CAND2: variants seen among roughly 807,000 people sequenced by gnomAD.
The protein encoded by CAND2 is cullin-associated NEDD8-dissociated protein 2.
Under a neutral mutation model 98.9 loss-of-function variants are expected in CAND2, and 62 were observed. The ratio of observed to expected loss-of-function variants is 0.63; its 90% CI spans 0.51 to 0.77. CAND2 has a LOEUF of 0.77. Among genes scored for constraint, CAND2 ranks in the 30% least tolerant of loss-of-function variants. CAND2 has a pLI of 0.00. For missense variants in CAND2, 1,501 were observed against 1,655.2 expected (o/e 0.91, Z 1.62); for synonymous variants, 770 against 731.9 (o/e 1.05, Z -0.84).
chr3:12,818,050 T>C (rs2061924210), intron 10 of CAND2, among the ~76,000 whole-genome samples, 174 bp downstream of exon 10: 1 of 152,230 alleles, frequency 6.6e-6, no homozygotes, highest in Admixed American at 6.5e-5. Flanking sequence ...TACCTGAGAC[T>C]TAAAGCCTTC....
Position 12,817,388 on chromosome 3 carries a change from C to T in CAND2, c.2456C>T (p.Ala819Val), listed in dbSNP as rs779288491. The change falls in exon 10 of 15, where the codon GCG (alanine) becomes GTG (valine). Residue 819 changes from alanine (A) to valine (V), a missense_variant. Coordinates refer to ENST00000456430, the MANE Select transcript of CAND2 (RefSeq NM_001162499.2). ...CTCTCAGCTGCCTGTCCCCAAGAGG[C>T]GGCAAGCACAGCCAGTCGCCTGGTC... ...AALSAACPQE[A>V]ASTASRLVCD... 11 of 1,613,662 alleles carry T rather than the reference C, an allele frequency of 6.8e-6. No homozygotes were observed. Among genetic ancestry groups the T allele is most frequent in the African/African-American group, 4.0e-5 (3 of 74,950 alleles).
At chr3:12,802,988 C>CTTT (rs34041335) in intron 1 of CAND2, among the ~76,000 whole-genome samples, 15 of 127,362 alleles carry the variant, frequency 1.2e-4, no homozygotes, top group South Asian at 2.6e-4. Flanking sequence ...CCATTAAAAT[C>CTTT]TTTTTTTTTT....
In CAND2 at chr3:12,808,318, C is replaced by T. The variant is rs941809135; in HGVS notation, c.476C>T (p.Ser159Phe). ...AVQLEALDIL[S>F]DMLSRLGVPL... is the part of the protein sequence containing the mutation. ...CAGCTGGAAGCCCTGGACATCCTCT[C>T]TGACATGCTGAGCAGGTGTGGGAGG... Residue 159 changes from serine to phenylalanine, a missense_variant, in exon 4 of 15, where the codon TCT becomes TTT. Ser to Phe is a radical substitution (Grantham distance 155). This residue lies in a region of CAND2 where 1,427 missense variants were observed against 1,545.3 expected (regional missense o/e 0.92). Coordinates refer to ENST00000456430, the MANE Select transcript of CAND2 (RefSeq NM_001162499.2). The T allele has an allele frequency of 2.2e-5, 34 of 1,551,392 alleles. No individual in the cohort carries two copies. The highest frequency in any genetic ancestry group is 2.8e-5 in the Non-Finnish European group (32 of 1,146,946).
rs1478194193 is a variant in CAND2 at position 12,815,477 on chromosome 3, C to G, written c.1299+44C>G. On this transcript the variant is annotated intron_variant, in intron 8 of 14. Transcript: ENST00000456430. This position sits in a 1 kb window ranked among gnomAD's most constrained non-coding sequence, Gnocchi z 5.7. ...CCACCCCTACCCCCGATTTGCCTAC[C>G]CAGCCACTCACTGTTAGTGTCCCTG... 2 of 1,552,808 alleles carry G rather than the reference C, an allele frequency of 1.3e-6. No homozygotes were observed. Among genetic ancestry groups the G allele is most frequent in the African/African-American group, 1.4e-5 (1 of 73,564 alleles).
intron 2 of CAND2, among the ~76,000 whole-genome samples, chr3:12,804,455 AT>A (rs2061790697): frequency 6.6e-6 from 1 of 152,030 alleles, no homozygotes; most frequent in Non-Finnish European, 1.5e-5. Context: ...AAGAGCAAAA[AT>A]TCCATCTCAA....
intron 7 of CAND2, 60 bp downstream of exon 7, chr3:12,813,448 T>A: frequency 6.4e-7 from 1 of 1,556,304 alleles, no homozygotes; most frequent in Non-Finnish European, 8.7e-7. Context: ...CTTCCTGGGA[T>A]CCCCCAACCA....
intron 12 of CAND2, among the ~76,000 whole-genome samples, chr3:12,826,218 C>T (rs2061997781): frequency 6.6e-6 from 1 of 152,160 alleles, no homozygotes; most frequent in Non-Finnish European, 1.5e-5. Flanking sequence ...GATGTAATCC[C>T]ATCATACACC....
chr3:12,834,021 G>C lies in CAND2; in HGVS notation c.*39G>C. 3 of 1,564,596 alleles carry C rather than the reference G, an allele frequency of 1.9e-6. No homozygotes were observed. Among genetic ancestry groups the C allele is most frequent in the Non-Finnish European group, 8.8e-7 (1 of 1,136,732 alleles). On this transcript the variant is annotated 3_prime_UTR_variant, in exon 15 of 15. Coordinates refer to ENST00000456430, the MANE Select transcript of CAND2 (RefSeq NM_001162499.2). ...AAGGTGGGCCCTCGCTTAAGAGAAA[G>C]GAGCCCACCCAAGTCCGAGGCCTCC...
intron 7 of CAND2, among the ~76,000 whole-genome samples, chr3:12,814,933 A>G (rs546832803): frequency 6.6e-6 from 1 of 152,268 alleles, no homozygotes; most frequent in African/African-American, 2.4e-5. Flanking sequence ...AAATAAGATT[A>G]TGGGTTTGAC....
At chr3:12,809,202 G>C (rs1331119982) in intron 4 of CAND2, among the ~76,000 whole-genome samples, 1 of 152,016 alleles carries the variant, frequency 6.6e-6, no homozygotes, top group East Asian at 1.9e-4. Context: ...GCTGTGATGG[G>C]GTGCACTCCG....
intron 5 of CAND2, among the ~76,000 whole-genome samples, chr3:12,811,839 C>A (rs2061853976): frequency 2.0e-5 from 3 of 152,114 alleles, no homozygotes; most frequent in African/African-American, 7.2e-5. Context: ...GCCTCGGCCT[C>A]CCAAAGTGCT....
At chr3:12,800,676 C>T (rs1378588352) in intron 1 of CAND2, among the ~76,000 whole-genome samples, 1 of 152,152 alleles carries the variant, frequency 6.6e-6, no homozygotes, top group Non-Finnish European at 1.5e-5. Context: ...CCCCGTTGTA[C>T]TCAAATATTC....
At chr3:12,805,127 T>C (rs1268280533) in intron 2 of CAND2, among the ~76,000 whole-genome samples, 1 of 152,198 alleles carries the variant, frequency 6.6e-6, no homozygotes, top group African/African-American at 2.4e-5. Context: ...TTTCCATGTA[T>C]GCGTGCTTGG....
chr3:12,809,991 G>A (rs928293260), intron 4 of CAND2, 68 bp from the exon 5 acceptor site: 2 of 1,386,774 alleles, frequency 1.4e-6, no homozygotes, highest in Non-Finnish European at 9.3e-7. Flanking sequence ...AGAATGGGGA[G>A]AGGGGCGGAG....
chr3:12,827,620 C>G lies in CAND2; in HGVS notation c.3375+16C>G. On this transcript the variant is annotated intron_variant, in intron 13 of 14. Transcript: ENST00000456430. ...CGACATCCGGGTAAGACCAAGCCCC[C>G]TGCCAGATCTATGTGCCCCTGTACC... 1.9e-6 allele frequency: 3 copies of G among 1,593,666 alleles called. No homozygotes were observed. The highest frequency in any genetic ancestry group is 2.3e-5 in the South Asian group (2 of 88,194).
intron 1 of CAND2, among the ~76,000 whole-genome samples, chr3:12,801,247 AG>A (rs2061764719): frequency 6.6e-6 from 1 of 152,046 alleles, no homozygotes; most frequent in African/African-American, 2.4e-5. Context: ...CATATTGGCC[AG>A]GCTGATCTAG....
rs947083661 is a variant in CAND2 at position 12,803,591 on chromosome 3, G to A, written c.172G>A (p.Glu58Lys). 1.2e-6 allele frequency: 2 copies of A among 1,613,180 alleles called. No individual in the cohort carries two copies. The highest frequency in any genetic ancestry group is 1.7e-6 in the Non-Finnish European group (2 of 1,179,664). ...GGTGAAGATGCTGCTCCGGCTCCTG[G>A]AGGACAAGAACGGTGAGGTGCAGAA... ...KVVKMLLRLL[E>K]DKNGEVQNLA... is the part of the protein sequence containing the mutation. The change falls in exon 2 of 15, where the codon GAG becomes AAG. Residue 58 changes from glutamate (E) to lysine (K), a missense_variant. Physicochemically the swap from Glu to Lys is moderately conservative, Grantham distance 56. Coordinates refer to ENST00000456430, the MANE Select transcript of CAND2 (RefSeq NM_001162499.2).
In CAND2 at chr3:12,813,304, A is replaced by G. The variant is rs1490267272; in HGVS notation, c.922A>G (p.Ile308Val). The change falls in exon 7 of 15, where the codon ATA becomes GTA. Residue 308 changes from isoleucine to valine, a missense_variant. Ile to Val is a conservative substitution (Grantham distance 29). Coordinates refer to ENST00000456430, the MANE Select transcript of CAND2 (RefSeq NM_001162499.2). ...PNVTSLCLQY[I>V]KHDPNYNYDS... ...CGTGACCAGCCTCTGCCTCCAATAC[A>G]TAAAACACGACCCCAACTACAACTA... is the stretch of plus-strand genomic sequence containing the variant. 6.2e-6 allele frequency: 10 copies of G among 1,614,120 alleles called. No individual in the cohort carries two copies. Among genetic ancestry groups the G allele is most frequent in the Non-Finnish European group, 6.8e-6 (8 of 1,180,024 alleles).
chr3:12,827,330 A>T (rs953137848), intron 12 of CAND2, 110 bp from the exon 13 acceptor site: 20 of 1,064,834 alleles, frequency 1.9e-5, no homozygotes, highest in African/African-American at 3.2e-5. Context: ...ATAAGGCACG[A>T]TTTGGGGCTG....
Sources: allele counts gnomAD v4.1 joint callset (sites outside exome capture counted in the v4.1 genomes callset), GRCh38; gene constraint gnomAD v4.1.1; regional missense constraint gnomAD v4.1.1; non-coding constraint Gnocchi (gnomAD v3.1); transcripts MANE v1.5; gene names NCBI Gene and HGNC (gene_info 2026-07-23, HGNC 2026-07-21).